CNTN5: variants seen among roughly 807,000 people sequenced by gnomAD.
CNTN5 encodes contactin 5, also known as contactin-5.
In CNTN5, 77 loss-of-function variants were observed where a neutral mutation model predicts 129.1. That is an observed-to-expected ratio of 0.60 (90% CI 0.50 to 0.72). The LOEUF is 0.72. Ranked by LOEUF, CNTN5 falls within the 30% of genes least tolerant of loss-of-function variation. The pLI, the probability that CNTN5 is intolerant of heterozygous loss-of-function variation, is 0.00. For synonymous variants in CNTN5, 509 were observed against 465.6 expected (o/e 1.09, Z -1.20); for missense variants, 1,478 against 1,328.8 (o/e 1.11, Z -1.75).
intron 3 of CNTN5, among the ~76,000 whole-genome samples, chr11:99,567,734 G>A (rs190689699): frequency 2.0e-5 from 3 of 152,216 alleles, no homozygotes; most frequent in Admixed American, 6.5e-5. Context: ...TCTGTCCCTG[G>A]GGAAGTTATG....
At chr11:99,542,722 A>G (rs1001170629) in intron 2 of CNTN5, among the ~76,000 whole-genome samples, 4 of 152,220 alleles carry the variant, frequency 2.6e-5, no homozygotes, top group African/African-American at 9.6e-5. Context: ...TTGTACATCC[A>G]GAGCCAAGAT....
At chr11:99,586,213 G>C (rs529427390) in intron 3 of CNTN5, among the ~76,000 whole-genome samples, 2 of 152,010 alleles carry the variant, frequency 1.3e-5, no homozygotes, top group African/African-American at 2.4e-5. Flanking sequence ...CTTCAATCCA[G>C]TCTTAGCTCT....
At chr11:99,677,905 C>G (rs1953363456) in intron 3 of CNTN5, among the ~76,000 whole-genome samples, 1 of 152,114 alleles carries the variant, frequency 6.6e-6, no homozygotes, top group Admixed American at 6.6e-5. Context: ...AACACCTTTT[C>G]ATTACCGCTT....
chr11:99,293,932 A>T (rs1022936289), intron 1 of CNTN5, among the ~76,000 whole-genome samples: 20 of 148,912 alleles, frequency 1.3e-4, no homozygotes, highest in African/African-American at 4.2e-4. Context: ...TACCTTTCTC[A>T]TTTCTTTCCT....
intron 6 of CNTN5, among the ~76,000 whole-genome samples, chr11:99,867,517 A>G (rs543425827): frequency 2.6e-5 from 4 of 152,120 alleles, no homozygotes; most frequent in Non-Finnish European, 4.4e-5. Context: ...GAGAAAATCA[A>G]TGTTCTTAGA....
At chr11:99,813,690 C>T (rs895976289) in intron 3 of CNTN5, among the ~76,000 whole-genome samples, 1 of 151,758 alleles carries the variant, frequency 6.6e-6, no homozygotes, top group Non-Finnish European at 1.5e-5. Flanking sequence ...AGACAAAGAA[C>T]TAGAAAAGGA....
intron 1 of CNTN5, among the ~76,000 whole-genome samples, chr11:99,215,845 G>T (rs1860087874): frequency 6.6e-6 from 1 of 152,102 alleles, no homozygotes; most frequent in South Asian, 2.1e-4. Context: ...AATCTGGTGA[G>T]ATGCTTAAGC....
chr11:99,422,520 A>T (rs1205108025), intron 2 of CNTN5, among the ~76,000 whole-genome samples: 10 of 10,086 alleles, frequency 9.9e-4, no homozygotes, highest in African/African-American at 4.4e-3. Flanking sequence ...TTATATTTTT[A>T]TATATATATA....
intron 6 of CNTN5, among the ~76,000 whole-genome samples, chr11:99,870,106 A>T (rs999665497): frequency 5.9e-5 from 9 of 152,160 alleles, no homozygotes; most frequent in African/African-American, 2.2e-4. Flanking sequence ...GTGATTGAGG[A>T]TATATGCTGT....
chr11:99,150,818 C>T (rs375148930), intron 1 of CNTN5, among the ~76,000 whole-genome samples: 1 of 151,978 alleles, frequency 6.6e-6, no homozygotes. Context: ...TTTTCTTCTC[C>T]TATATCCCTA....
At chr11:99,665,165 TATTA>T (rs747827404) in intron 3 of CNTN5, among the ~76,000 whole-genome samples, 1 of 152,176 alleles carries the variant, frequency 6.6e-6, no homozygotes, top group Non-Finnish European at 1.5e-5. Context: ...AGAAACTATG[TATTA>T]ATTGGGAAGT....
At chr11:100,148,123 A>T (rs535758674) in intron 13 of CNTN5, among the ~76,000 whole-genome samples, 1 of 152,164 alleles carries the variant, frequency 6.6e-6, no homozygotes, top group South Asian at 2.1e-4. Context: ...GACCTTATCC[A>T]TATACTCATA....
At chr11:100,042,918 A>G (rs1942460532) in intron 9 of CNTN5, among the ~76,000 whole-genome samples, 1 of 152,242 alleles carries the variant, frequency 6.6e-6, no homozygotes, top group Non-Finnish European at 1.5e-5. Context: ...GTAGTTGAAC[A>G]GATATAATTT....
intron 1 of CNTN5, among the ~76,000 whole-genome samples, chr11:99,036,001 A>G (rs1007766541): frequency 6.6e-6 from 1 of 151,968 alleles, no homozygotes; most frequent in East Asian, 1.9e-4. Flanking sequence ...GCTTGTCTGT[A>G]AAGTATTTTA....
intron 2 of CNTN5, among the ~76,000 whole-genome samples, chr11:99,387,923 T>C (rs1941011456): frequency 6.6e-6 from 1 of 151,994 alleles, no homozygotes; most frequent in Non-Finnish European, 1.5e-5. Context: ...TCAAGACAAA[T>C]GAAATGAAAG....
At position 99,716,449 on chromosome 11, in the gene CNTN5, C is replaced by T. The variant is rs536457896; in HGVS notation, c.56-103095C>T. ...TCAGTATCCTGAATGAGCTCGTCTT[C>T]CTCTCTCCACCTCTGGTCAGACCCT... On this transcript the variant is annotated intron_variant, in intron 3 of 24. Coordinates refer to ENST00000524871, the MANE Select transcript of CNTN5 (RefSeq NM_014361.4). Among the ~76,000 whole-genome samples the T allele has an allele frequency of 2.6e-5, 4 of 152,086 alleles. No homozygotes were observed. The South Asian group carries it at 8.3e-4, about 32-fold the overall frequency.
chr11:99,796,088 G>C (rs931657733), intron 3 of CNTN5, among the ~76,000 whole-genome samples: 3 of 152,118 alleles, frequency 2.0e-5, no homozygotes, highest in Non-Finnish European at 4.4e-5. Context: ...TGGGTGGGGG[G>C]CAGGGCCACT....
chr11:99,560,684 A>C (rs1948813810), intron 3 of CNTN5, among the ~76,000 whole-genome samples: 1 of 152,284 alleles, frequency 6.6e-6, no homozygotes, highest in African/African-American at 2.4e-5. Flanking sequence ...CTAAAGGCAA[A>C]AAATACTGTA....
At chr11:99,946,034 T>A (rs867999160) in intron 7 of CNTN5, among the ~76,000 whole-genome samples, 2 of 152,300 alleles carry the variant, frequency 1.3e-5, no homozygotes, top group South Asian at 4.1e-4. Context: ...ATTTCCAGTT[T>A]AACAGTTTGT....
Sources: gnomAD v4.1 joint callset for allele counts (sites outside exome capture counted in the v4.1 genomes callset) on GRCh38, gnomAD v4.1.1 for gene constraint, MANE v1.5 for transcripts, NCBI Gene and HGNC (gene_info 2026-07-23, HGNC 2026-07-21) for gene names.